The following TRPC1 variants were observed in gnomAD, a reference collection of about 807,000 sequenced individuals.
TRPC1 encodes transient receptor potential cation channel subfamily C member 1.
Under a neutral mutation model 88.2 loss-of-function variants are expected in TRPC1, and 42 were observed. The observed-to-expected ratio is 0.48, with a 90% CI of 0.37 to 0.62. TRPC1 has a LOEUF of 0.62. Among genes scored for constraint, TRPC1 ranks in the 20% least tolerant of loss-of-function variants. The pLI, the probability that TRPC1 is intolerant of heterozygous loss-of-function variation, is 0.00. For synonymous variants in TRPC1, 288 were observed against 331.8 expected, an observed-to-expected ratio of 0.87 and a Z score of 1.43; for missense variants, 699 against 957.3, an observed-to-expected ratio of 0.73 and a Z score of 3.56.
chr3:142,745,505 G>T (rs970131616), intron 3 of TRPC1, among the ~76,000 whole-genome samples: 9 of 152,074 alleles, frequency 5.9e-5, no homozygotes, highest in Admixed American at 5.9e-4. Context: ...TTAGCCGGGC[G>T]TGGTGCCGTG....
chr3:142,736,481 T>C lies in TRPC1; in HGVS notation c.275T>C (p.Ile92Thr). The C allele has an allele frequency of 6.2e-7, 1 of 1,612,234 alleles. No individual in the cohort carries two copies. The highest frequency in any genetic ancestry group is 8.5e-7 in the Non-Finnish European group (1 of 1,179,336). Reference sequence around the variant, plus strand: ...GGGAGAAATGCTGTTACCATAACTATTGAAAACGAAAACTTGGATATACTG... The same window carrying C: ...GGGAGAAATGCTGTTACCATAACTACTGAAAACGAAAACTTGGATATACTG... The part of the protein sequence containing the change: ...VLGRNAVTIT[I>T]ENENLDILQL... The change falls in exon 2 of 13, where the codon ATT (isoleucine) becomes ACT (threonine). Residue 92 changes from isoleucine (I) to threonine (T), a missense_variant. By Grantham distance (89) the Ile-to-Thr change is moderately conservative. Transcript: ENST00000476941.
chr3:142,805,123 TATATATACAC>T (rs1282599376), intron 12 of TRPC1, among the ~76,000 whole-genome samples: 11 of 96,726 alleles, frequency 1.1e-4, no homozygotes, highest in African/African-American at 4.4e-4. Flanking sequence ...CAAACAAATA[TATATATACAC>T]ACACACACAC....
At chr3:142,788,767 C>T (rs535649043) in intron 7 of TRPC1, among the ~76,000 whole-genome samples, 120 of 152,102 alleles carry the variant, frequency 7.9e-4, no homozygotes, top group African/African-American at 2.8e-3. Flanking sequence ...AAAAATAGAC[C>T]CTAAAATATA....
rs1934632372 is a variant in TRPC1 at position 142,748,340 on chromosome 3, A to G, written c.512A>G (p.Asn171Ser). 1 of 1,614,124 alleles carries G rather than the reference A, an allele frequency of 6.2e-7. No individual in the cohort carries two copies. The highest frequency in any genetic ancestry group is 8.5e-7 in the Non-Finnish European group (1 of 1,179,972). ...APVILAAHRN[N>S]YEILTMLLKQ... ...GTCATTTTAGCTGCTCATCGTAACA[A>G]CTATGAAATTCTTACAATGCTCTTA... is the stretch of plus-strand genomic sequence containing the variant. Residue 171 changes from asparagine to serine, a missense_variant, in exon 4 of 13, where the codon AAC becomes AGC. Transcript: ENST00000476941.
At chr3:142,729,686 C>G (rs1263157297) in intron 1 of TRPC1, among the ~76,000 whole-genome samples, 2 of 152,076 alleles carry the variant, frequency 1.3e-5, no homozygotes, top group Non-Finnish European at 2.9e-5. Context: ...CCTCTTCTAC[C>G]TTGCTGCCAG....
chr3:142,778,095 C>G (rs1577989599), intron 5 of TRPC1, among the ~76,000 whole-genome samples: 1 of 152,302 alleles, frequency 6.6e-6, no homozygotes, highest in South Asian at 2.1e-4. Context: ...TAGTTGCTCT[C>G]TCTCTCACAC....
In TRPC1 at chr3:142,792,706, A is replaced by G; in HGVS notation, c.1438-118A>G. Reference sequence around the variant, plus strand: ...AAAAAACCCTATAAAACATAAGTGGAGATCCCCTATAAGAAGACAAAATTA... The same window carrying G: ...AAAAAACCCTATAAAACATAAGTGGGGATCCCCTATAAGAAGACAAAATTA... On this transcript the variant is annotated intron_variant, in intron 8 of 12. Coordinates refer to ENST00000476941, the MANE Select transcript of TRPC1 (RefSeq NM_001251845.2). The surrounding 1 kb of genome is among the most constrained non-coding windows in gnomAD (Gnocchi z 4.0). 1 of 851,214 alleles carries G rather than the reference A, an allele frequency of 1.2e-6. No homozygotes were observed. The highest frequency in any genetic ancestry group is 3.3e-5 in the Admixed American group (1 of 29,932). The allele number at this position is 851,214 out of a possible 1,614,324, so 52.7% of individuals were successfully genotyped here.
intron 4 of TRPC1, among the ~76,000 whole-genome samples, chr3:142,758,726 G>T (rs775626321): frequency 6.6e-6 from 1 of 150,658 alleles, no homozygotes; most frequent in Non-Finnish European, 1.5e-5. Flanking sequence ...TGTGCATGTC[G>T]TGCAGGTTTG....
At chr3:142,746,244 C>G (rs1934550457) in intron 3 of TRPC1, among the ~76,000 whole-genome samples, 1 of 151,990 alleles carries the variant, frequency 6.6e-6, no homozygotes, top group Non-Finnish European at 1.5e-5. Context: ...GTCTTTTTGG[C>G]AATTGACTTT....
At chr3:142,766,257 C>T (rs571084536) in intron 4 of TRPC1, among the ~76,000 whole-genome samples, 236 of 152,186 alleles carry the variant, frequency 1.6e-3, no homozygotes, top group African/African-American at 5.3e-3. Flanking sequence ...AGGAGATTAA[C>T]ATTTGAGTCA....
chr3:142,750,728 TGC>T (rs1336911721), intron 4 of TRPC1, among the ~76,000 whole-genome samples: 10 of 152,100 alleles, frequency 6.6e-5, no homozygotes, highest in Admixed American at 6.6e-4. Flanking sequence ...TGGAATACTA[TGC>T]AGCCATAAAA....
chr3:142,728,540 C>G (rs1369726018), intron 1 of TRPC1, among the ~76,000 whole-genome samples: 1 of 152,020 alleles, frequency 6.6e-6, no homozygotes, highest in African/African-American at 2.4e-5. Context: ...AGGCTGGTCT[C>G]AAACTCCCGA....
At chr3:142,790,198 T>A (rs530923997) in intron 7 of TRPC1, among the ~76,000 whole-genome samples, 1 of 152,072 alleles carries the variant, frequency 6.6e-6, no homozygotes, top group Non-Finnish European at 1.5e-5. Context: ...ATAAAGGCCC[T>A]AAAGGCAGGA....
intron 2 of TRPC1, among the ~76,000 whole-genome samples, chr3:142,737,085 G>A (rs928195132): frequency 1.3e-5 from 2 of 152,022 alleles, no homozygotes; most frequent in African/African-American, 2.4e-5. Flanking sequence ...CTTCATATCA[G>A]TTTGGGTAGA....
chr3:142,769,067 G>A (rs1353534888), intron 4 of TRPC1, among the ~76,000 whole-genome samples: 3 of 151,870 alleles, frequency 2.0e-5, no homozygotes, highest in African/African-American at 7.3e-5. Flanking sequence ...TTCTCAGTAT[G>A]GCAAGTCTAC....
At chr3:142,785,501 GTT>G (rs949320850) in intron 7 of TRPC1, among the ~76,000 whole-genome samples, 1 of 151,816 alleles carries the variant, frequency 6.6e-6, no homozygotes, top group Non-Finnish European at 1.5e-5. Flanking sequence ...TTTTTGTTTT[GTT>G]TTGTTTTGTT....
chr3:142,726,700 T>C (rs1933686365), intron 1 of TRPC1, among the ~76,000 whole-genome samples: 1 of 152,156 alleles, frequency 6.6e-6, no homozygotes, highest in Non-Finnish European at 1.5e-5. Context: ...TTTGATTACG[T>C]GTTTGTATTC....
chr3:142,791,290 T>C, intron 8 of TRPC1, 132 bp downstream of exon 8: 1 of 719,056 alleles, frequency 1.4e-6, no homozygotes, highest in South Asian at 3.0e-5. Flanking sequence ...TAAGCCTATC[T>C]GTGTGCACAT....
intron 2 of TRPC1, among the ~76,000 whole-genome samples, chr3:142,737,956 A>G (rs1461243542): frequency 6.6e-6 from 1 of 152,224 alleles, no homozygotes; most frequent in Non-Finnish European, 1.5e-5. Flanking sequence ...AGTTACCTAG[A>G]AAATAAGGGT....
Sources: gnomAD v4.1 joint callset for allele counts (sites outside exome capture counted in the v4.1 genomes callset) on GRCh38, gnomAD v4.1.1 for gene constraint, Gnocchi (gnomAD v3.1) non-coding constraint, MANE v1.5 for transcripts, NCBI Gene and HGNC (gene_info 2026-07-23, HGNC 2026-07-21) for gene names.